Variants in ARHGAP15 observed in about 807,000 individuals in gnomAD.
ARHGAP15 encodes the protein Rho GTPase activating protein 15, also known as rho GTPase-activating protein 15.
Under a neutral mutation model 63.7 loss-of-function variants are expected in ARHGAP15, and 51 were observed. The observed-to-expected ratio is 0.80, with a 90% CI of 0.64 to 1.01. The LOEUF (loss-of-function observed/expected upper bound fraction) is 1.01, where lower values mean the gene tolerates loss of function less well. Among genes scored for constraint, ARHGAP15 ranks in the 50% least tolerant of loss-of-function variants. The pLI is 0.00. For synonymous variants in ARHGAP15, 191 were observed against 193.8 expected, an observed-to-expected ratio of 0.99 and a Z score of 0.12; for missense variants, 560 against 564.6, an observed-to-expected ratio of 0.99 and a Z score of 0.08.
rs140250609 is a variant in ARHGAP15, at chr2:143,151,161, G to A, written c.-14-4316G>A. 2.2e-3 allele frequency among the ~76,000 whole-genome samples: 329 copies of A among 152,094 alleles called. 2 individuals carry two copies. The highest frequency in any genetic ancestry group is 7.1e-3 in the African/African-American group (293 of 41,538). On this transcript the variant is annotated intron_variant, in intron 1 of 13. Transcript: ENST00000295095. Reference sequence around the variant, plus strand: ...ATTCCTGGAAGAACAACCACTCCTAGGTTCTGGAAGCCAAGTCAAGTTGGA... The same window carrying A: ...ATTCCTGGAAGAACAACCACTCCTAAGTTCTGGAAGCCAAGTCAAGTTGGA...
intron 11 of ARHGAP15, among the ~76,000 whole-genome samples, chr2:143,582,032 A>C (rs1421987824): frequency 6.6e-6 from 1 of 152,194 alleles, no homozygotes; most frequent in African/African-American, 2.4e-5. Flanking sequence ...TTGCTTCTGC[A>C]GGCTGAGCAG....
chr2:143,428,059 A>G (rs528025661), intron 6 of ARHGAP15, among the ~76,000 whole-genome samples: 4 of 152,238 alleles, frequency 2.6e-5, no homozygotes, highest in African/African-American at 9.6e-5. Context: ...GGGAATGGAA[A>G]GACCAACAAG....
At chr2:143,695,225 A>G (rs1352646285) in intron 12 of ARHGAP15, among the ~76,000 whole-genome samples, 1 of 152,244 alleles carries the variant, frequency 6.6e-6, no homozygotes, top group Non-Finnish European at 1.5e-5. Flanking sequence ...AAATTGAATT[A>G]GAGAAATTCA....
intron 6 of ARHGAP15, among the ~76,000 whole-genome samples, chr2:143,351,638 G>A (rs1349171759): frequency 6.6e-6 from 1 of 152,228 alleles, no homozygotes; most frequent in Non-Finnish European, 1.5e-5. Flanking sequence ...GTAGTGGCCC[G>A]AATTTGGGCA....
intron 13 of ARHGAP15, among the ~76,000 whole-genome samples, chr2:143,730,207 C>T (rs1472855221): frequency 2.0e-5 from 3 of 152,200 alleles, no homozygotes; most frequent in African/African-American, 7.2e-5. Flanking sequence ...TGCCACAACG[C>T]AGCCAAAGTG....
chr2:143,466,532 G>T (rs1691221484), intron 8 of ARHGAP15, among the ~76,000 whole-genome samples: 1 of 151,904 alleles, frequency 6.6e-6, no homozygotes, highest in Non-Finnish European at 1.5e-5. Context: ...TTTGTCTTCT[G>T]GTTTAGTTCT....
intron 13 of ARHGAP15, among the ~76,000 whole-genome samples, chr2:143,767,309 T>G (rs2072954214): frequency 6.6e-6 from 1 of 152,180 alleles, no homozygotes; most frequent in African/African-American, 2.4e-5. Flanking sequence ...TAGTGTTTCA[T>G]TGGTATTCCA....
chr2:143,139,424 G>A (rs1343089436), intron 1 of ARHGAP15, among the ~76,000 whole-genome samples: 1 of 152,032 alleles, frequency 6.6e-6, no homozygotes. Context: ...TCTAGATTAT[G>A]GCAAAAGAGT....
chr2:143,527,838 T>C (rs1239373910), intron 10 of ARHGAP15, among the ~76,000 whole-genome samples: 1 of 152,016 alleles, frequency 6.6e-6, no homozygotes, highest in Non-Finnish European at 1.5e-5. Flanking sequence ...TGCACACCAT[T>C]GCTACCGATG....
intron 10 of ARHGAP15, among the ~76,000 whole-genome samples, chr2:143,539,745 C>T (rs1466628984): frequency 1.3e-5 from 2 of 151,828 alleles, no homozygotes; most frequent in South Asian, 2.1e-4. Context: ...GTCTGAGAGA[C>T]AGTTTGTTAT....
chr2:143,686,481 T>C (rs888677548), intron 12 of ARHGAP15, among the ~76,000 whole-genome samples: 4 of 146,986 alleles, frequency 2.7e-5, no homozygotes, highest in Non-Finnish European at 4.5e-5. Context: ...CCCACTGTAA[T>C]ATGCACACAT....
At chr2:143,336,926 G>C (rs114108343) in intron 6 of ARHGAP15, among the ~76,000 whole-genome samples, 1 of 152,266 alleles carries the variant, frequency 6.6e-6, no homozygotes, top group African/African-American at 2.4e-5. Context: ...GGTGATCATG[G>C]ATAAGATTCC....
chr2:143,391,685 T>G (rs78309757), intron 6 of ARHGAP15, among the ~76,000 whole-genome samples: 4,456 of 152,256 alleles, frequency 0.029, 79 homozygotes, highest in Non-Finnish European at 0.039. Context: ...AGTTACAGAA[T>G]TTCCTTCCCA....
intron 11 of ARHGAP15, among the ~76,000 whole-genome samples, chr2:143,557,458 T>C (rs1365168833): frequency 6.6e-6 from 1 of 151,936 alleles, no homozygotes; most frequent in Non-Finnish European, 1.5e-5. Flanking sequence ...GTGGAAGCAG[T>C]AGGACGAGCT....
chr2:143,326,993 C>T (rs1684280949), intron 6 of ARHGAP15, among the ~76,000 whole-genome samples: 1 of 152,154 alleles, frequency 6.6e-6, no homozygotes, highest in South Asian at 2.1e-4. Flanking sequence ...TTGCAGATGA[C>T]ATGATTGTAT....
intron 12 of ARHGAP15, 58 bp from the exon 13 acceptor site, chr2:143,703,361 A>T: frequency 7.0e-7 from 1 of 1,438,500 alleles, no homozygotes; most frequent in Non-Finnish European, 9.5e-7. Context: ...TTTCTCATGT[A>T]CCTGTACCTA....
At chr2:143,457,591 T>A (rs953201016) in intron 8 of ARHGAP15, among the ~76,000 whole-genome samples, 1 of 150,392 alleles carries the variant, frequency 6.6e-6, no homozygotes, top group Non-Finnish European at 1.5e-5. Context: ...TATTGTTGAC[T>A]AATATATATT....
chr2:143,167,156 C>T (rs1482011137), intron 2 of ARHGAP15, among the ~76,000 whole-genome samples: 1 of 152,084 alleles, frequency 6.6e-6, no homozygotes, highest in African/African-American at 2.4e-5. Flanking sequence ...TTGATCTTTG[C>T]TACTAGGGTC....
At chr2:143,408,614 C>T (rs1289499462) in intron 6 of ARHGAP15, among the ~76,000 whole-genome samples, 2 of 151,908 alleles carry the variant, frequency 1.3e-5, no homozygotes, top group East Asian at 3.8e-4. Context: ...AGATTAAAAA[C>T]TCCACAGACA....
Sources: gnomAD v4.1 joint callset for allele counts (sites outside exome capture counted in the v4.1 genomes callset) on GRCh38, gnomAD v4.1.1 for gene constraint, MANE v1.5 for transcripts, NCBI Gene and HGNC (gene_info 2026-07-23, HGNC 2026-07-21) for gene names.